The following HYDIN variants were observed in gnomAD, a reference collection of about 807,000 sequenced individuals.
The protein encoded by HYDIN is axonemal central pair apparatus protein HYDIN.
In HYDIN, 132 loss-of-function variants were observed where a neutral mutation model predicts 403.9. The ratio of observed to expected loss-of-function variants is 0.33; its 90% CI spans 0.28 to 0.38. The LOEUF is 0.38. Among genes scored for constraint, HYDIN ranks in the 10% least tolerant of loss-of-function variants. The pLI is 1.00. For synonymous variants in HYDIN, 1,202 were observed against 1,891.7 expected (o/e 0.64, Z 9.46); for missense variants, 2,827 against 5,009.5 (o/e 0.56, Z 13.15).
chr16:70,807,524 T>C lies in HYDIN; in HGVS notation c.*56A>G. 1 of 1,517,680 alleles carries C rather than the reference T, an allele frequency of 6.6e-7. No homozygotes were observed. Among genetic ancestry groups the C allele is most frequent in the Admixed American group, 2.2e-5 (1 of 44,970 alleles). The allele number at this position is 1,517,680 out of a possible 1,614,324, so 94.0% of individuals were successfully genotyped here. On this transcript the variant is annotated 3_prime_UTR_variant, in exon 86 of 86. Transcript: ENST00000393567. ...GAATTCTTATTGTTTTCTCTATTCT[T>C]TTTCAGGCTAAGACAATGCATAGCT...
At chr16:71,117,470 A>G (rs1349940358) in intron 9 of HYDIN, among the ~76,000 whole-genome samples, 2 of 152,134 alleles carry the variant, frequency 1.3e-5, no homozygotes, top group African/African-American at 2.4e-5. Context: ...AGAACTCAGT[A>G]AATAACTGAC....
chr16:71,153,077 G>A (rs1377997336), intron 6 of HYDIN, among the ~76,000 whole-genome samples: 1 of 152,152 alleles, frequency 6.6e-6, no homozygotes, highest in Non-Finnish European at 1.5e-5. Flanking sequence ...TCCCTGCTGG[G>A]CTCAGGCACT....
At chr16:70,997,985 T>C (rs1283874476) in intron 23 of HYDIN, among the ~76,000 whole-genome samples, 1 of 151,994 alleles carries the variant, frequency 6.6e-6, no homozygotes, top group Non-Finnish European at 1.5e-5. Flanking sequence ...GTCTATTTTC[T>C]TCAGGCCTTG....
chr16:70,931,956 G>A (rs1209915285), intron 45 of HYDIN, among the ~76,000 whole-genome samples: 11 of 137,588 alleles, frequency 8.0e-5, no homozygotes, highest in East Asian at 6.4e-4. Flanking sequence ...TGGAGGTTGC[G>A]GCCGAGATCC....
intron 44 of HYDIN, 150 bp downstream of exon 44, chr16:70,938,464 T>C (rs1375682841): frequency 2.8e-6 from 2 of 722,554 alleles, no homozygotes; most frequent in African/African-American, 1.8e-5. Flanking sequence ...GGGATGCATC[T>C]TTCTGCTCCT....
At chr16:71,204,663 C>T (rs987281415) in intron 1 of HYDIN, among the ~76,000 whole-genome samples, 11 of 152,256 alleles carry the variant, frequency 7.2e-5, no homozygotes, top group Admixed American at 2.0e-4. Flanking sequence ...TAACACTGTA[C>T]TTGAGCTGTC....
chr16:70,947,689 G>C (rs2077919109), intron 41 of HYDIN, among the ~76,000 whole-genome samples: 1 of 152,112 alleles, frequency 6.6e-6, no homozygotes, highest in African/African-American at 2.4e-5. Context: ...CAAACCATGA[G>C]TGAACTCCCA....
At chr16:71,086,115 T>G (rs2082923860) in intron 12 of HYDIN, among the ~76,000 whole-genome samples, 1 of 152,070 alleles carries the variant, frequency 6.6e-6, no homozygotes, top group Non-Finnish European at 1.5e-5. Context: ...AATGGATATT[T>G]TCTACCCTTT....
chr16:70,885,889 C>A (rs1479024107), intron 58 of HYDIN, among the ~76,000 whole-genome samples: 8 of 151,776 alleles, frequency 5.3e-5, no homozygotes, highest in Admixed American at 2.0e-4. Context: ...TCACTTCAAT[C>A]AATAATTATT....
chr16:71,116,053 C>T (rs2084014108), intron 9 of HYDIN, among the ~76,000 whole-genome samples: 1 of 151,846 alleles, frequency 6.6e-6, no homozygotes. Context: ...TTAGCAAGTA[C>T]CCAACATATC....
At chr16:70,842,874 G>C (rs972562812) in intron 75 of HYDIN, among the ~76,000 whole-genome samples, 23 of 151,376 alleles carry the variant, frequency 1.5e-4, no homozygotes, top group Non-Finnish European at 3.4e-4. Flanking sequence ...ATATTTTCTA[G>C]TGTACCATTT....
chr16:70,945,444 T>G (rs567608573), intron 41 of HYDIN, among the ~76,000 whole-genome samples: 1 of 152,210 alleles, frequency 6.6e-6, no homozygotes, highest in Non-Finnish European at 1.5e-5. Flanking sequence ...ATTGAAAGGA[T>G]ACATGAACCT....
At chr16:71,000,909 T>A (rs539465858) in intron 23 of HYDIN, among the ~76,000 whole-genome samples, 9 of 152,328 alleles carry the variant, frequency 5.9e-5, no homozygotes, top group Non-Finnish European at 1.3e-4. Flanking sequence ...ATCGTATTTG[T>A]AATGGGGCTC....
intron 60 of HYDIN, among the ~76,000 whole-genome samples, chr16:70,880,337 G>A (rs1427575301): frequency 1.4e-5 from 2 of 142,098 alleles, no homozygotes; most frequent in South Asian, 2.3e-4. Flanking sequence ...GGGATTACAG[G>A]TGTAAGCCGC....
At chr16:70,957,082 C>T (rs8061245) in intron 39 of HYDIN, among the ~76,000 whole-genome samples, 2,763 of 149,088 alleles carry the variant, frequency 0.019, 32 homozygotes, top group African/African-American at 0.064. Flanking sequence ...ACCTCCAGAA[C>T]GTTGTCATCT....
At chr16:70,840,479 G>T (rs1288362785) in intron 75 of HYDIN, among the ~76,000 whole-genome samples, 1 of 151,974 alleles carries the variant, frequency 6.6e-6, no homozygotes, top group East Asian at 1.9e-4. Context: ...AGGCTCAGGG[G>T]TATACCAGGC....
At chr16:71,205,576 G>T (rs866470681) in intron 1 of HYDIN, among the ~76,000 whole-genome samples, 41 of 152,336 alleles carry the variant, frequency 2.7e-4, no homozygotes, top group Admixed American at 1.6e-3. Context: ...TCCAACAGAG[G>T]CCACAGTTGT....
intron 10 of HYDIN, among the ~76,000 whole-genome samples, chr16:71,100,467 G>A (rs2144406238): frequency 6.6e-6 from 1 of 152,234 alleles, no homozygotes; most frequent in South Asian, 2.1e-4. Context: ...AACAAATTGG[G>A]AGAACTTGCC....
chr16:71,202,973 G>A (rs1170981039), intron 1 of HYDIN, among the ~76,000 whole-genome samples: 1 of 152,120 alleles, frequency 6.6e-6, no homozygotes, highest in Non-Finnish European at 1.5e-5. Context: ...CCCTAACAAT[G>A]CCTGTCATAA....
Sources: gnomAD v4.1 joint callset for allele counts (sites outside exome capture counted in the v4.1 genomes callset) on GRCh38, gnomAD v4.1.1 for gene constraint, MANE v1.5 for transcripts, NCBI Gene and HGNC (gene_info 2026-07-23, HGNC 2026-07-21) for gene names.